Variants in NDST3 observed in about 807,000 individuals in gnomAD.
NDST3 encodes N-deacetylase and N-sulfotransferase 3.
In NDST3, 58 loss-of-function variants were observed where a neutral mutation model predicts 96.1. That is an observed-to-expected ratio of 0.60 (90% CI 0.49 to 0.75). The LOEUF is 0.75. Among genes scored for constraint, NDST3 ranks in the 30% least tolerant of loss-of-function variants. NDST3 has a pLI of 0.00. For synonymous variants in NDST3, 333 were observed against 359.7 expected (o/e 0.93, Z 0.84); for missense variants, 788 against 1,034.2 (o/e 0.76, Z 3.27).
chr4:118,062,855 A>T (rs1726007450), intron 2 of NDST3, among the ~76,000 whole-genome samples: 1 of 152,170 alleles, frequency 6.6e-6, no homozygotes, highest in East Asian at 1.9e-4. Context: ...TGAACACATG[A>T]ATATGTAAAC....
chr4:118,181,978 C>T (rs1262827208), intron 6 of NDST3, among the ~76,000 whole-genome samples: 2 of 152,180 alleles, frequency 1.3e-5, no homozygotes, highest in African/African-American at 2.4e-5. Flanking sequence ...CAAGGATTCA[C>T]AAGTCATCTC....
chr4:118,037,235 T>C (rs1351925404), intron 1 of NDST3, among the ~76,000 whole-genome samples: 1 of 152,142 alleles, frequency 6.6e-6, no homozygotes, highest in Non-Finnish European at 1.5e-5. Context: ...AAATTTAACT[T>C]GGTGATAAGT....
chr4:118,058,630 TGTGTGC>T (rs1478117548), intron 2 of NDST3, among the ~76,000 whole-genome samples: 1,198 of 55,568 alleles, frequency 0.022, 6 homozygotes, highest in Non-Finnish European at 0.041. Context: ...TGTGTGTGTG[TGTGTGC>T]GCGCGCGCGC....
At chr4:118,204,544 C>T (rs2125982454) in intron 6 of NDST3, among the ~76,000 whole-genome samples, 1 of 144,662 alleles carries the variant, frequency 6.9e-6, no homozygotes, top group Non-Finnish European at 1.5e-5. Context: ...CAGTTGGCTG[C>T]CTCTGACTGG....
At chr4:118,120,426 T>C (rs1482879028) in intron 4 of NDST3, among the ~76,000 whole-genome samples, 1 of 152,166 alleles carries the variant, frequency 6.6e-6, no homozygotes, top group Non-Finnish European at 1.5e-5. Flanking sequence ...TTGGCGACTT[T>C]GAATAATTTC....
intron 3 of NDST3, among the ~76,000 whole-genome samples, chr4:118,109,421 G>A (rs543736906): frequency 5.3e-5 from 8 of 152,206 alleles, no homozygotes; most frequent in Non-Finnish European, 7.4e-5. Flanking sequence ...TTTGCCCATC[G>A]TTGAATACTG....
chr4:118,096,359 C>T (rs1729299863), intron 2 of NDST3, among the ~76,000 whole-genome samples: 1 of 151,866 alleles, frequency 6.6e-6, no homozygotes, highest in Non-Finnish European at 1.5e-5. Context: ...CTTGCTTCCT[C>T]ATACCTTATC....
At chr4:118,240,044 AG>A (rs1288824315) in intron 10 of NDST3, among the ~76,000 whole-genome samples, 2 of 152,048 alleles carry the variant, frequency 1.3e-5, no homozygotes, top group Non-Finnish European at 2.9e-5. Flanking sequence ...CAGACTTTCT[AG>A]TACTTTCTTC....
intron 12 of NDST3, among the ~76,000 whole-genome samples, chr4:118,252,071 T>C (rs2126014812): frequency 6.6e-6 from 1 of 152,276 alleles, no homozygotes; most frequent in African/African-American, 2.4e-5. Flanking sequence ...GAAGTAGCAT[T>C]CCTAGAAGTA....
At chr4:118,084,954 A>C (rs1305208045) in intron 2 of NDST3, among the ~76,000 whole-genome samples, 1 of 152,136 alleles carries the variant, frequency 6.6e-6, no homozygotes, top group African/African-American at 2.4e-5. Flanking sequence ...CCCCGTCTCT[A>C]CTAAAAATAC....
Position 118,258,303 on chromosome 4 carries a change from A to C in NDST3, c.*2591A>C, listed in dbSNP as rs1029770624. ...AAGACAGCATCAAATTCTAGAGGAC[A>C]TGCATACTTTCCACATTATATACTC... On this transcript the variant is annotated 3_prime_UTR_variant, in exon 14 of 14. Coordinates refer to ENST00000296499, the MANE Select transcript of NDST3 (RefSeq NM_004784.3). 7.9e-5 allele frequency: 12 copies of C among 152,238 alleles called. No individual in the cohort carries two copies. The highest frequency in any genetic ancestry group is 2.7e-4 in the African/African-American group (11 of 41,466). 9.4% of individuals were successfully genotyped at this position (152,238 alleles called of 1,614,324 possible). A position where few individuals can be genotyped will look rare whatever the true frequency, so the allele number is the denominator to read the frequency against.
rs1727470039 is a variant in NDST3, at chr4:118,075,717, TG to T, written c.981+20827del. Among the ~76,000 whole-genome samples, 8 of 149,344 alleles carry T rather than the reference TG, an allele frequency of 5.4e-5. No homozygotes were observed. In the Admixed American group the frequency reaches 5.5e-4, roughly 10 times the overall value. On this transcript the variant is annotated intron_variant, in intron 2 of 13. Transcript: ENST00000296499. ...TCTTCTTTTGAAAAGTGTCTGTTCA[TG>T]TCCTTTGCCCACTTTTTGATGGGGC...
At chr4:118,112,969 C>T (rs1730766156) in intron 3 of NDST3, among the ~76,000 whole-genome samples, 1 of 152,060 alleles carries the variant, frequency 6.6e-6, no homozygotes. Flanking sequence ...TGAAAACTAC[C>T]TTCTCCTTTC....
intron 6 of NDST3, among the ~76,000 whole-genome samples, chr4:118,222,551 C>G (rs1739620771): frequency 6.6e-6 from 1 of 151,860 alleles, no homozygotes; most frequent in Non-Finnish European, 1.5e-5. Context: ...ATTAAACCGT[C>G]CTTTAGCTTA....
chr4:118,154,939 C>T (rs1478495346), intron 6 of NDST3, among the ~76,000 whole-genome samples: 1 of 152,094 alleles, frequency 6.6e-6, no homozygotes, highest in African/African-American at 2.4e-5. Context: ...AAACCATCTC[C>T]ATGTAGGGTT....
chr4:118,144,480 G>A (rs991997069), intron 6 of NDST3, among the ~76,000 whole-genome samples: 3 of 151,976 alleles, frequency 2.0e-5, no homozygotes, highest in Non-Finnish European at 4.4e-5. Flanking sequence ...ACGCCTGGCC[G>A]GGCTACTCTT....
intron 6 of NDST3, among the ~76,000 whole-genome samples, chr4:118,179,802 C>T (rs1396406817): frequency 2.0e-5 from 3 of 152,016 alleles, no homozygotes; most frequent in African/African-American, 7.2e-5. Flanking sequence ...AAAAGTTCTC[C>T]AGTCACTTTA....
At chr4:118,085,245 T>C (rs934384463) in intron 2 of NDST3, among the ~76,000 whole-genome samples, 2 of 152,130 alleles carry the variant, frequency 1.3e-5, no homozygotes, top group African/African-American at 4.8e-5. Context: ...TAGCAGACCA[T>C]ATCAAAAGTC....
At chr4:118,252,637 T>A (rs1741819807) in intron 12 of NDST3, among the ~76,000 whole-genome samples, 1 of 152,214 alleles carries the variant, frequency 6.6e-6, no homozygotes. Flanking sequence ...ACGCCTGTAA[T>A]CCCAGCACTT....
Sources: gnomAD v4.1 joint callset for allele counts (sites outside exome capture counted in the v4.1 genomes callset) on GRCh38, gnomAD v4.1.1 for gene constraint, MANE v1.5 for transcripts, NCBI Gene and HGNC (gene_info 2026-07-23, HGNC 2026-07-21) for gene names.